LRRC56: variants seen among roughly 807,000 people sequenced by gnomAD.
LRRC56 encodes leucine-rich repeat-containing protein 56.
Under a neutral mutation model 47.8 loss-of-function variants are expected in LRRC56, and 41 were observed. That is an observed-to-expected ratio of 0.86 (90% CI 0.67 to 1.11). LRRC56 has a LOEUF of 1.11. Ranked by LOEUF, LRRC56 falls within the 50% of genes most tolerant of loss-of-function variation. The pLI, the probability that LRRC56 is intolerant of heterozygous loss-of-function variation, is 0.00. For synonymous variants in LRRC56, 387 were observed against 311.2 expected, an observed-to-expected ratio of 1.24 and a Z score of -2.56; for missense variants, 759 against 704.2, an observed-to-expected ratio of 1.08 and a Z score of -0.88.
chr11:554,240 A>C lies in LRRC56; in HGVS notation c.1593A>C (p.Ala531=). 6.6e-7 allele frequency: 1 copy of C among 1,511,122 alleles called. No individual in the cohort carries two copies. The highest frequency in any genetic ancestry group is 1.3e-5 in the South Asian group (1 of 77,200). The allele number at this position is 1,511,122 out of a possible 1,614,324, so 93.6% of individuals were successfully genotyped here. A position where few individuals can be genotyped will look rare whatever the true frequency, so the allele number is the denominator to read the frequency against. The part of the protein sequence containing the change: ...APDAAARPPR[A]AELSHPSPVP... ...ATGCAGCAGCTAGACCTCCCAGGGC[A>C]GCTGAACTCTCTCACCCCAGCCCCG... is the stretch of plus-strand genomic sequence containing the variant. The change falls in exon 14 of 14, where the codon GCA becomes GCC. Residue 531 remains alanine, a synonymous_variant. Coordinates refer to ENST00000270115, the MANE Select transcript of LRRC56 (RefSeq NM_198075.4).
rs1851802747 is a variant in LRRC56 at position 541,687 on chromosome 11, C to T, written c.265+63C>T. ...GCCACGCCTCCCTGTAAACAACACA[C>T]GTTTCCTGGTTATGACGACAAAGCT... is the stretch of plus-strand genomic sequence containing the variant. On this transcript the variant is annotated intron_variant, in intron 5 of 13. Coordinates refer to ENST00000270115, the MANE Select transcript of LRRC56 (RefSeq NM_198075.4). The surrounding 1 kb of genome is among the most constrained non-coding windows in gnomAD (Gnocchi z 4.1). 3 of 1,037,864 alleles carry T rather than the reference C, an allele frequency of 2.9e-6. No homozygotes were observed. The highest frequency in any genetic ancestry group is 1.6e-5 in the African/African-American group (1 of 61,150). The allele number at this position is 1,037,864 out of a possible 1,614,324, so 64.3% of individuals were successfully genotyped here. A position where few individuals can be genotyped will look rare whatever the true frequency, so the allele number is the denominator to read the frequency against.
At chr11:510,942 C>G in the LRRC56 span, among the ~76,000 whole-genome samples, 16 of 151,910 alleles carry the variant, frequency 1.1e-4, no homozygotes, top group African/African-American at 3.9e-4. Flanking sequence ...CTGAAAGTGC[C>G]TTTTTAACAA....
At chr11:520,424 G>A in the LRRC56 span, among the ~76,000 whole-genome samples, 2 of 152,012 alleles carry the variant, frequency 1.3e-5, no homozygotes, top group Admixed American at 1.3e-4. Flanking sequence ...GGGTTCCAGT[G>A]ATTCTCCTGC....
chr11:518,462 G>A, the LRRC56 span, among the ~76,000 whole-genome samples: 1 of 152,114 alleles, frequency 6.6e-6, no homozygotes, highest in Non-Finnish European at 1.5e-5. Context: ...GATTACAGGC[G>A]TGAGCCACCG....
rs1852613028 is a variant in LRRC56, at chr11:554,065, A to G, written c.1418A>G (p.Gln473Arg). ...TCCCCGCGGTGGTCGACAGACCTGC[A>G]GTCCAGGGGGCGTCGGCTCCGAGTC... ...SSSPRWSTDL[Q>R]SRGRRLRVLG... is the part of the protein sequence containing the mutation. The change falls in exon 14 of 14, where the codon CAG becomes CGG. Residue 473 changes from glutamine to arginine, a missense_variant. Gln to Arg is a conservative substitution (Grantham distance 43, BLOSUM62 1). Transcript: ENST00000270115. 1 of 1,610,758 alleles carries G rather than the reference A, an allele frequency of 6.2e-7. No individual in the cohort carries two copies. The highest frequency in any genetic ancestry group is 8.5e-7 in the Non-Finnish European group (1 of 1,179,432).
At chr11:514,278 G>A in the LRRC56 span, among the ~76,000 whole-genome samples, 2 of 150,982 alleles carry the variant, frequency 1.3e-5, no homozygotes, top group African/African-American at 4.9e-5. Flanking sequence ...ACAGGTGTGA[G>A]CCACCACCCC....
intron 2 of LRRC56, 124 bp downstream of exon 2, chr11:538,984 GGGA>G (rs1430150092): frequency 6.6e-6 from 1 of 152,352 alleles, no homozygotes; most frequent in Non-Finnish European, 1.5e-5. Context: ...AAGGTGGTCA[GGGA>G]GGAGGACACT....
At position 541,633 on chromosome 11, in the gene LRRC56, C is replaced by G. The variant is rs754363254; in HGVS notation, c.265+9C>G. 3 of 1,543,740 alleles carry G rather than the reference C, an allele frequency of 1.9e-6. No homozygotes were observed. The highest frequency in any genetic ancestry group is 2.6e-6 in the Non-Finnish European group (3 of 1,139,156). On this transcript the variant is annotated intron_variant, in intron 5 of 13. Transcript: ENST00000270115. This position sits in a 1 kb window ranked among gnomAD's most constrained non-coding sequence, Gnocchi z 4.1. ...CAGCCTGGGGAACTTTGGTGAGCCT[C>G]TTCCCACCCCGCCATGGCCACGGCC...
At chr11:534,715 C>A (rs1006886079), upstream of LRRC56, 4 of 295,304 alleles carry the variant, frequency 1.4e-5, no homozygotes. Context: ...AGGTTACCGT[C>A]CTCCAGAACA....
At chr11:542,284 C>T (rs1213582910) in intron 5 of LRRC56, among the ~76,000 whole-genome samples, 1 of 152,138 alleles carries the variant, frequency 6.6e-6, no homozygotes, top group Non-Finnish European at 1.5e-5. Flanking sequence ...CAAAATGGTG[C>T]TGAGTGCCAC....
Position 554,375 on chromosome 11 carries a change from G to A in LRRC56, c.*99G>A. Reference sequence around the variant, plus strand: ...TACCTGGGCGGGTGTGTTGGGGGGTGGAAGGAGTGCCTGGCCCTGGGGAGG... The same window carrying A: ...TACCTGGGCGGGTGTGTTGGGGGGTAGAAGGAGTGCCTGGCCCTGGGGAGG... On this transcript the variant is annotated 3_prime_UTR_variant, in exon 14 of 14. Transcript: ENST00000270115. 1 of 1,111,328 alleles carries A rather than the reference G, an allele frequency of 9.0e-7. No individual in the cohort carries two copies. The highest frequency in any genetic ancestry group is 1.2e-6 in the Non-Finnish European group (1 of 835,888). 68.8% of individuals were successfully genotyped at this position (1,111,328 alleles called of 1,614,324 possible). A position where few individuals can be genotyped will look rare whatever the true frequency, so the allele number is the denominator to read the frequency against.
chr11:554,029 C>G lies in LRRC56; in HGVS notation c.1382C>G (p.Ser461Cys). 7 of 1,612,228 alleles carry G rather than the reference C, an allele frequency of 4.3e-6. No individual in the cohort carries two copies. The highest frequency in any genetic ancestry group is 5.9e-6 in the Non-Finnish European group (7 of 1,179,772). ...SPPKHPRPRD[S>C]GSSSPRWSTD... ...CCCAAGCACCCAAGGCCACGAGATT[C>G]TGGCAGCAGCTCCCCGCGGTGGTCG... The change falls in exon 14 of 14, where the codon TCT becomes TGT. Residue 461 changes from serine (S) to cysteine (C), a missense_variant. Transcript: ENST00000270115.
At chr11:543,874 G>A (rs1282695910) in intron 5 of LRRC56, among the ~76,000 whole-genome samples, 2 of 152,056 alleles carry the variant, frequency 1.3e-5, no homozygotes, top group Non-Finnish European at 2.9e-5. Flanking sequence ...TCAGCCTCCC[G>A]TGTAGCTGGG....
At chr11:525,517 T>C in the LRRC56 span, among the ~76,000 whole-genome samples, 36 of 149,610 alleles carry the variant, frequency 2.4e-4, no homozygotes, top group South Asian at 4.2e-4. Context: ...CCAGCCTGGG[T>C]GACAGAGGTG....
chr11:530,864 G>A, the LRRC56 span, among the ~76,000 whole-genome samples: 2 of 59,974 alleles, frequency 3.3e-5, no homozygotes, highest in Admixed American at 2.9e-4. Context: ...TGGAGAGAAG[G>A]GCCAGTGTGG....
rs142101922 is a variant in LRRC56 at position 548,673 on chromosome 11, C to T, written c.327-1229C>T. 9.8e-3 allele frequency among the ~76,000 whole-genome samples: 1,486 copies of T among 152,136 alleles called. 28 individuals carry two copies. Among genetic ancestry groups the T allele is most frequent in the African/African-American group, 0.033 (1,389 of 41,508 alleles). ...TGGGGTTTCACCGTGTTAACCAGGA[C>T]GGTCTAGATCTCCTGACCTCGTGAT... On this transcript the variant is annotated intron_variant, in intron 6 of 13. Coordinates refer to ENST00000270115, the MANE Select transcript of LRRC56 (RefSeq NM_198075.4).
chr11:533,852 C>T (rs1851278636), upstream of LRRC56: 1 of 1,613,366 alleles, frequency 6.2e-7, no homozygotes, highest in East Asian at 2.2e-5. Context: ...TGTACTGGTC[C>T]CGCATGGCGC....
chr11:550,251 G>A lies in LRRC56; in HGVS notation c.603G>A (p.Pro201=), dbSNP rs375900126. ...TLEGNLVCLQ[P]APGPTNKVPR... ...AGGGCAACCTGGTGTGCCTACAGCC[G>A]GCCCCTGGCCCCACCAACAAGGTGC... is the stretch of plus-strand genomic sequence containing the variant. Residue 201 remains proline, a synonymous_variant, in exon 8 of 14, where the codon CCG becomes CCA. Transcript: ENST00000270115. 42 of 1,598,938 alleles carry A rather than the reference G, an allele frequency of 2.6e-5. No individual in the cohort carries two copies. Among genetic ancestry groups the A allele is most frequent in the African/African-American group, 1.3e-4 (10 of 74,724 alleles).
At chr11:532,551 C>T (rs551347876), upstream of LRRC56, 184 of 1,555,328 alleles carry the variant, frequency 1.2e-4, 1 homozygote, top group South Asian at 1.8e-3. Flanking sequence ...AGGCTGCTGA[C>T]CGCAGGCCAG....
Sources: allele counts gnomAD v4.1 joint callset (sites outside exome capture counted in the v4.1 genomes callset), GRCh38; gene constraint gnomAD v4.1.1; non-coding constraint Gnocchi (gnomAD v3.1); transcripts MANE v1.5; gene names NCBI Gene and HGNC (gene_info 2026-07-23, HGNC 2026-07-21).